The following ATRX variants were observed in gnomAD, a reference collection of about 807,000 sequenced individuals.
The protein encoded by ATRX is chromatin remodeler ATRX.
A neutral mutation model predicts 172.6 loss-of-function variants in ATRX; 12 were observed. The ratio of observed to expected loss-of-function variants is 0.07; its 90% CI spans 0.04 to 0.11. The LOEUF is 0.11. Ranked by LOEUF, ATRX falls within the 10% of genes least tolerant of loss-of-function variation. ATRX has a pLI of 1.00. For missense variants in ATRX, 1,368 were observed against 1,767.4 expected (o/e 0.77, Z 4.05); for synonymous variants, 674 against 594.7 (o/e 1.13, Z -1.94).
In ATRX at chrX:77,618,726, A is replaced by C. The variant is rs1392716433; in HGVS notation, c.5448+80T>G. 71 of 990,549 alleles carry C rather than the reference A, an allele frequency of 7.2e-5. 1 individual carries two copies. The highest frequency in any genetic ancestry group is 1.2e-4 in the Admixed American group (5 of 43,327). The allele number at this position is 990,549 out of a possible 1,213,427, so 81.6% of individuals were successfully genotyped here. ...GCGGGAAAGAAAACACAAAATTATTAAACTTTAAGCTCAGAAAATATGTTG... is the reference window on the plus strand; with the variant it reads ...GCGGGAAAGAAAACACAAAATTATTCAACTTTAAGCTCAGAAAATATGTTG... On this transcript the variant is annotated intron_variant, in intron 21 of 34. Coordinates refer to ENST00000373344, the MANE Select transcript of ATRX (RefSeq NM_000489.6).
At chrX:77,769,137 C>A (rs1350155157) in intron 1 of ATRX, among the ~76,000 whole-genome samples, 2 of 111,751 alleles carry the variant, frequency 1.8e-5, no homozygotes, top group Admixed American at 9.6e-5. Context: ...TATGTTCACA[C>A]CTGTGAATAG....
chrX:77,717,076 T>C (rs2073474990), intron 2 of ATRX, 55 bp downstream of exon 2: 1 of 850,020 alleles, frequency 1.2e-6, no homozygotes, highest in Non-Finnish European at 1.7e-6. Flanking sequence ...TCCATAAGTG[T>C]AAAAAAAAAA....
chrX:77,608,322 T>C (rs991161059), intron 22 of ATRX, among the ~76,000 whole-genome samples: 1 of 103,661 alleles, frequency 9.6e-6, no homozygotes, highest in Non-Finnish European at 2.0e-5. Context: ...TGAGCCGAGA[T>C]TGCACCACTG....
rs186611907 is a variant in ATRX, at chrX:77,771,104, G to A, written c.20+14878C>T. Among the ~76,000 whole-genome samples the A allele has an allele frequency of 8.4e-3, 942 of 111,513 alleles. 11 individuals are homozygous for A. The highest frequency in any genetic ancestry group is 0.029 in the African/African-American group (877 of 30,698). On this transcript the variant is annotated intron_variant, in intron 1 of 34. Transcript: ENST00000373344. Reference sequence around the variant, plus strand: ...CATAAAAAGCCTTTCTCGGCCGGGCGTGGTGGTTCATGCCTGTAATCCCAG... The same window carrying A: ...CATAAAAAGCCTTTCTCGGCCGGGCATGGTGGTTCATGCCTGTAATCCCAG...
chrX:77,710,806 G>A (rs1349999786), intron 2 of ATRX, among the ~76,000 whole-genome samples: 2 of 111,019 alleles, frequency 1.8e-5, no homozygotes, highest in East Asian at 5.6e-4. Flanking sequence ...AGAGGTAGGC[G>A]GAGGGAAGTG....
intron 22 of ATRX, among the ~76,000 whole-genome samples, chrX:77,609,340 T>C (rs1186124318): frequency 8.9e-6 from 1 of 112,060 alleles, no homozygotes; most frequent in Non-Finnish European, 1.9e-5. Flanking sequence ...CCAAAGTTTA[T>C]CAACAGATGA....
rs1376360093 is a variant in ATRX, at chrX:77,508,005, T to A, written c.*346A>T. 1.5e-5 allele frequency: 3 copies of A among 201,065 alleles called. No homozygotes were observed. The highest frequency in any genetic ancestry group is 2.7e-5 in the Non-Finnish European group (3 of 109,458). 16.6% of individuals were successfully genotyped at this position (201,065 alleles called of 1,213,427 possible). ...ATAAATCTTTATTCTTTCCTAAATT[T>A]ATTAATTTTATGACAATTTTATGGT... On this transcript the variant is annotated 3_prime_UTR_variant, in exon 35 of 35. Coordinates refer to ENST00000373344, the MANE Select transcript of ATRX (RefSeq NM_000489.6).
chrX:77,778,688 T>G (rs1275194879), intron 1 of ATRX, among the ~76,000 whole-genome samples: 2 of 101,877 alleles, frequency 2.0e-5, no homozygotes, highest in Non-Finnish European at 4.0e-5. Flanking sequence ...GCCACTGCAC[T>G]CCAGCCTGGG....
At chrX:77,758,707 G>A (rs782284190) in intron 1 of ATRX, among the ~76,000 whole-genome samples, 39 of 110,032 alleles carry the variant, frequency 3.5e-4, no homozygotes, top group Non-Finnish European at 7.4e-4. Flanking sequence ...GCAGTGAGCC[G>A]AGATCACGCC....
chrX:77,733,093 G>A (rs1040973832), intron 1 of ATRX, among the ~76,000 whole-genome samples: 1 of 111,817 alleles, frequency 8.9e-6, no homozygotes, highest in African/African-American at 3.2e-5. Context: ...ACAAAAATCA[G>A]CAGCATTTCT....
chrX:77,751,720 T>C (rs1557187709), intron 1 of ATRX, among the ~76,000 whole-genome samples: 1 of 112,274 alleles, frequency 8.9e-6, no homozygotes, highest in African/African-American at 3.2e-5. Flanking sequence ...GTCCAGTTTC[T>C]GTTTTCTGCA....
chrX:77,579,723 CAATAAA>C (rs1479232254), intron 27 of ATRX, among the ~76,000 whole-genome samples: 2 of 111,702 alleles, frequency 1.8e-5, no homozygotes, highest in African/African-American at 6.5e-5. Context: ...GCAAAGACTA[CAATAAA>C]TACCTAACTC....
At chrX:77,537,584 CAGCAACTTGGGAGGCTGA>C (rs1382297923) in intron 30 of ATRX, among the ~76,000 whole-genome samples, 6 of 110,793 alleles carry the variant, frequency 5.4e-5, no homozygotes, top group African/African-American at 2.0e-4. Context: ...CCTGTAGATT[CAGCAACTTGGGAGGCTGA>C]AGCGGGAGGA....
At chrX:77,680,961 TCTTC>T (rs781867807) in intron 9 of ATRX, among the ~76,000 whole-genome samples, 16 of 111,991 alleles carry the variant, frequency 1.4e-4, no homozygotes, top group Non-Finnish European at 2.6e-4. Context: ...GTTTGGATTT[TCTTC>T]CTTCATTTTG....
At chrX:77,626,542 A>AC (rs1206397011) in intron 19 of ATRX, among the ~76,000 whole-genome samples, 1 of 112,004 alleles carries the variant, frequency 8.9e-6, no homozygotes, top group Non-Finnish European at 1.9e-5. Flanking sequence ...AGTTATCCAT[A>AC]TTATGATCCC....
chrX:77,661,812 A>T (rs1245449285), intron 12 of ATRX, among the ~76,000 whole-genome samples: 4 of 111,214 alleles, frequency 3.6e-5, no homozygotes, highest in Non-Finnish European at 7.5e-5. Context: ...ACCACCCAGT[A>T]CTCCAGTGTG....
intron 1 of ATRX, among the ~76,000 whole-genome samples, chrX:77,737,999 A>C: frequency 8.9e-6 from 1 of 111,762 alleles, no homozygotes; most frequent in South Asian, 3.7e-4. Context: ...ACTGAGGCTC[A>C]GAAAGACATT....
intron 5 of ATRX, among the ~76,000 whole-genome samples, chrX:77,694,665 T>C (rs1251948786): frequency 9.1e-6 from 1 of 110,274 alleles, no homozygotes; most frequent in African/African-American, 3.3e-5. Context: ...TCAATTTAAG[T>C]TTTCATTAGT....
At position 77,682,661 on chromosome X, in the gene ATRX, G is replaced by C. The variant is rs61752455; in HGVS notation, c.2595C>G (p.His865Gln). 0.011 allele frequency: 12,799 copies of C among 1,206,879 alleles called. 62 individuals carry two copies. Among genetic ancestry groups the C allele is most frequent in the Non-Finnish European group, 0.013 (11,497 of 894,779 alleles). Residue 865 changes from histidine (H) to glutamine (Q), a missense_variant, in exon 9 of 35, where the codon CAC becomes CAG. Physicochemically the swap from His to Gln is conservative, Grantham distance 24. Coordinates refer to ENST00000373344, the MANE Select transcript of ATRX (RefSeq NM_000489.6). ...CTTCTTGTGAGGTCTTCAAATTTTT[G>C]TGCCCTTGATTATCCATTCCTTTTT... ...HSKKGMDNQG[H>Q]KNLKTSQEGS...
Sources: allele counts gnomAD v4.1 joint callset (sites outside exome capture counted in the v4.1 genomes callset), GRCh38; gene constraint gnomAD v4.1.1; transcripts MANE v1.5; gene names NCBI Gene and HGNC (gene_info 2026-07-23, HGNC 2026-07-21).